Variants in PHLPP1 observed in about 807,000 individuals in gnomAD.
The protein encoded by PHLPP1 is PH domain and leucine rich repeat protein phosphatase 1.
A neutral mutation model predicts 117.2 loss-of-function variants in PHLPP1; 42 were observed. The observed-to-expected ratio is 0.36, with a 90% CI of 0.28 to 0.46. The LOEUF is 0.46. Among genes scored for constraint, PHLPP1 ranks in the 20% least tolerant of loss-of-function variants. The probability of loss-of-function intolerance (pLI) is 1.00; values close to 1 mark genes in which losing one functional copy is unlikely to be tolerated. For synonymous variants in PHLPP1, 1,042 were observed against 970.7 expected (o/e 1.07, Z -1.37); for missense variants, 2,084 against 2,241.9 (o/e 0.93, Z 1.42).
chr18:62,811,938 G>A (rs961763650), intron 1 of PHLPP1, among the ~76,000 whole-genome samples: 1 of 152,062 alleles, frequency 6.6e-6, no homozygotes, highest in Non-Finnish European at 1.5e-5. Context: ...AGAGAGGAGT[G>A]GAACATAAAG....
chr18:62,972,476 A>T (rs754341096), intron 14 of PHLPP1, 38 bp from the exon 15 acceptor site: 3 of 1,579,438 alleles, frequency 1.9e-6, no homozygotes, highest in Admixed American at 1.7e-5. Context: ...GAGCAGGAGG[A>T]TGAGTGGACT....
intron 3 of PHLPP1, among the ~76,000 whole-genome samples, chr18:62,856,404 C>G (rs1308505325): frequency 3.3e-5 from 5 of 152,116 alleles, no homozygotes; most frequent in South Asian, 2.1e-4. Flanking sequence ...TCAGTGTTCT[C>G]AAGTCCCTCG....
chr18:62,851,177 C>G (rs1019792206), intron 3 of PHLPP1, among the ~76,000 whole-genome samples: 1 of 152,184 alleles, frequency 6.6e-6, no homozygotes, highest in Non-Finnish European at 1.5e-5. Context: ...TCATCCCCAT[C>G]CCCTCACCTC....
At chr18:62,717,342 C>G in intron 1 of PHLPP1, 83 bp downstream of exon 1, 3 of 1,503,498 alleles carry the variant, frequency 2.0e-6, no homozygotes, top group Non-Finnish European at 2.7e-6. Flanking sequence ...TCAGTTTGCC[C>G]AACCCAAGAG....
At chr18:62,945,565 T>C (rs2144458869) in intron 12 of PHLPP1, among the ~76,000 whole-genome samples, 1 of 152,218 alleles carries the variant, frequency 6.6e-6, no homozygotes, top group East Asian at 1.9e-4. Flanking sequence ...CTTTATCTGT[T>C]AATAGTTGTT....
At chr18:62,797,502 T>C (rs971967319) in intron 1 of PHLPP1, among the ~76,000 whole-genome samples, 2 of 152,046 alleles carry the variant, frequency 1.3e-5, no homozygotes. Flanking sequence ...TAGGGCAGGG[T>C]AAGGAGGTGC....
At chr18:62,898,015 C>CTTCTCCTCTTTTTCTCCTCTTTCTCCTCT (rs1888858753) in intron 6 of PHLPP1, among the ~76,000 whole-genome samples, 2 of 144,406 alleles carry the variant, frequency 1.4e-5, no homozygotes, top group Non-Finnish European at 3.1e-5. Flanking sequence ...TTCCTCCTCC[C>CTTCTCCTCTTTTTCTCCTCTTTCTCCTCT]TTCTCCTCTT....
intron 1 of PHLPP1, among the ~76,000 whole-genome samples, chr18:62,790,233 A>G (rs1288390304): frequency 6.6e-6 from 1 of 152,198 alleles, no homozygotes; most frequent in Non-Finnish European, 1.5e-5. Context: ...GGCTAGCGAA[A>G]AAAGACCTCT....
At chr18:62,943,717 C>A (rs759134683) in intron 11 of PHLPP1, among the ~76,000 whole-genome samples, 1 of 152,078 alleles carries the variant, frequency 6.6e-6, no homozygotes, top group African/African-American at 2.4e-5. Flanking sequence ...CCCCCATGAC[C>A]AAAACACCTC....
intron 1 of PHLPP1, among the ~76,000 whole-genome samples, chr18:62,792,353 CAGT>C (rs1283697169): frequency 1.3e-5 from 2 of 152,140 alleles, no homozygotes; most frequent in African/African-American, 4.8e-5. Flanking sequence ...TGGTGTGAAA[CAGT>C]AGATTTTATT....
chr18:62,924,010 C>T (rs1350532690), intron 10 of PHLPP1, among the ~76,000 whole-genome samples: 1 of 152,148 alleles, frequency 6.6e-6, no homozygotes, highest in African/African-American at 2.4e-5. Context: ...AGGAATTATC[C>T]TCAAGAAGCT....
At chr18:62,766,288 T>A (rs777585703) in intron 1 of PHLPP1, among the ~76,000 whole-genome samples, 2 of 150,396 alleles carry the variant, frequency 1.3e-5, no homozygotes, top group Admixed American at 6.6e-5. Flanking sequence ...GGAATAACTT[T>A]CTTTCTTCTG....
intron 3 of PHLPP1, among the ~76,000 whole-genome samples, chr18:62,843,551 T>TATTACCAA (rs1915104925): frequency 6.6e-6 from 1 of 152,232 alleles, no homozygotes; most frequent in Non-Finnish European, 1.5e-5. Flanking sequence ...CTTACCAAAA[T>TATTACCAA]AATACCCAAG....
chr18:62,778,928 C>T (rs946049192), intron 1 of PHLPP1, among the ~76,000 whole-genome samples: 1 of 152,298 alleles, frequency 6.6e-6, no homozygotes, highest in Non-Finnish European at 1.5e-5. Flanking sequence ...ACAAGGTTAG[C>T]CGTAGGCTTG....
At chr18:62,881,533 A>G (rs993313647) in intron 4 of PHLPP1, among the ~76,000 whole-genome samples, 1 of 152,210 alleles carries the variant, frequency 6.6e-6, no homozygotes, top group African/African-American at 2.4e-5. Context: ...TTTTCTAGTT[A>G]TATGAAAAGG....
chr18:62,729,440 T>C (rs1444239176), intron 1 of PHLPP1, among the ~76,000 whole-genome samples: 2 of 152,198 alleles, frequency 1.3e-5, no homozygotes, highest in African/African-American at 4.8e-5. Context: ...CTCATGCCTG[T>C]AATCCCAGCA....
chr18:62,875,828 G>A (rs984610531), intron 4 of PHLPP1, among the ~76,000 whole-genome samples: 8 of 151,850 alleles, frequency 5.3e-5, no homozygotes, highest in African/African-American at 1.5e-4. Flanking sequence ...TGCCTCCTGC[G>A]TTCAAGTGAT....
chr18:62,892,066 TTTTC>T (rs1236667691), intron 4 of PHLPP1, among the ~76,000 whole-genome samples: 20 of 146,324 alleles, frequency 1.4e-4, no homozygotes, highest in Non-Finnish European at 8.9e-5. Context: ...ATTTTCTTTC[TTTTC>T]TTTCTTTCTT....
chr18:62,804,625 G>C (rs567481136), intron 1 of PHLPP1, among the ~76,000 whole-genome samples: 1 of 152,108 alleles, frequency 6.6e-6, no homozygotes, highest in East Asian at 1.9e-4. Context: ...ATGTATTCTG[G>C]ATATGAACGC....
Sources: gnomAD v4.1 joint callset for allele counts (sites outside exome capture counted in the v4.1 genomes callset) on GRCh38, gnomAD v4.1.1 for gene constraint, MANE v1.5 for transcripts, NCBI Gene and HGNC (gene_info 2026-07-23, HGNC 2026-07-21) for gene names.